Variants in ACOXL observed in about 807,000 individuals in gnomAD.
The protein encoded by ACOXL is acyl-CoA oxidase like.
A neutral mutation model predicts 71.9 loss-of-function variants in ACOXL; 70 were observed. That is an observed-to-expected ratio of 0.97 (90% CI 0.80 to 1.19). The LOEUF is 1.19. Ranked by LOEUF, ACOXL falls within the 50% of genes most tolerant of loss-of-function variation. ACOXL has a pLI of 0.00. For synonymous variants in ACOXL, 253 were observed against 281.6 expected, an observed-to-expected ratio of 0.90 and a Z score of 1.02; for missense variants, 703 against 736.3, an observed-to-expected ratio of 0.95 and a Z score of 0.52.
chr2:110,861,679 C>G (rs192581240), intron 10 of ACOXL, among the ~76,000 whole-genome samples: 136 of 152,344 alleles, frequency 8.9e-4, no homozygotes, highest in Non-Finnish European at 1.7e-3. Flanking sequence ...CAAAAGCTCT[C>G]TGTCTTTTGG....
intron 10 of ACOXL, among the ~76,000 whole-genome samples, chr2:110,873,206 G>C (rs1426666864): frequency 6.6e-6 from 1 of 152,152 alleles, no homozygotes; most frequent in Non-Finnish European, 1.5e-5. Flanking sequence ...CATTCTCCCA[G>C]AACCCTGGCT....
chr2:110,917,840 C>A (rs1158980365), intron 11 of ACOXL, among the ~76,000 whole-genome samples: 4 of 152,192 alleles, frequency 2.6e-5, no homozygotes, highest in African/African-American at 9.7e-5. Flanking sequence ...AGGAATCCAA[C>A]TTACAAGGGA....
intron 1 of ACOXL, among the ~76,000 whole-genome samples, chr2:110,746,831 T>C (rs1678287430): frequency 6.8e-6 from 1 of 147,602 alleles, no homozygotes; most frequent in Non-Finnish European, 1.5e-5. Context: ...CGCCCTTTAG[T>C]TGCCTTCACC....
intron 11 of ACOXL, among the ~76,000 whole-genome samples, chr2:110,911,468 A>G (rs551557140): frequency 6.6e-6 from 1 of 152,086 alleles, no homozygotes; most frequent in South Asian, 2.1e-4. Flanking sequence ...AAAAACCCTT[A>G]ACAAAATACT....
intron 1 of ACOXL, among the ~76,000 whole-genome samples, chr2:110,748,535 T>C (rs1404243353): frequency 6.6e-6 from 1 of 152,204 alleles, no homozygotes; most frequent in Non-Finnish European, 1.5e-5. Flanking sequence ...ACCACAGTAC[T>C]TAGAAAGCCC....
At position 110,914,178 on chromosome 2, in the gene ACOXL, GAA is replaced by G. The variant is rs35980544; in HGVS notation, c.905+5275_905+5276del. Among the ~76,000 whole-genome samples, 11 of 149,836 alleles carry G rather than the reference GAA, an allele frequency of 7.3e-5. 1 individual carries two copies. Among genetic ancestry groups the G allele is most frequent in the Admixed American group, 7.2e-4 (11 of 15,178 alleles). On this transcript the variant is annotated intron_variant, in intron 11 of 17. Transcript: ENST00000439055. ...GAAATATGTCTAATAAAGCTGTTGA[GAA>G]AGAGAGAGGAGGAAAAAAAAGAAAT...
chr2:110,902,913 C>A (rs2059296783), intron 10 of ACOXL, among the ~76,000 whole-genome samples: 1 of 152,126 alleles, frequency 6.6e-6, no homozygotes, highest in African/African-American at 2.4e-5. Context: ...TGCCTGTGGT[C>A]AGGTTATTAA....
intron 10 of ACOXL, among the ~76,000 whole-genome samples, chr2:110,852,738 T>C (rs181956194): frequency 1.3e-5 from 2 of 152,260 alleles, no homozygotes; most frequent in African/African-American, 2.4e-5. Flanking sequence ...TGAGGCAGCT[T>C]TTTTTTCTTT....
intron 17 of ACOXL, among the ~76,000 whole-genome samples, chr2:111,105,604 G>A (rs1226285666): frequency 6.6e-6 from 1 of 152,022 alleles, no homozygotes; most frequent in Non-Finnish European, 1.5e-5. Flanking sequence ...TTTAATTTTA[G>A]TGTCTGCATA....
Position 110,877,568 on chromosome 2 carries a change from G to A in ACOXL, c.789-31221G>A, listed in dbSNP as rs568066108. Among the ~76,000 whole-genome samples, 5 of 152,320 alleles carry A rather than the reference G, an allele frequency of 3.3e-5. No homozygotes were observed. The South Asian group carries it at 1.0e-3, about 32-fold the overall frequency. The stretch of plus-strand genomic sequence containing the variant: ...ACTTAACCCTTTGAACGTAGCCACT[G>A]GGTTGATGCAGCTCACAAACCCACA... On this transcript the variant is annotated intron_variant, in intron 10 of 17. Coordinates refer to ENST00000439055, the MANE Select transcript of ACOXL (RefSeq NM_001142807.4).
At chr2:110,818,408 AAC>A (rs1559302856) in intron 9 of ACOXL, among the ~76,000 whole-genome samples, 31 of 131,660 alleles carry the variant, frequency 2.4e-4, no homozygotes, top group African/African-American at 3.3e-4. Flanking sequence ...AAAAAAAAAA[AAC>A]ATATATATAT....
intron 1 of ACOXL, among the ~76,000 whole-genome samples, chr2:110,745,731 C>G (rs1470351272): frequency 1.3e-5 from 2 of 152,172 alleles, no homozygotes; most frequent in Non-Finnish European, 2.9e-5. Flanking sequence ...ATTACCCGTG[C>G]AAGGAACCAA....
intron 11 of ACOXL, among the ~76,000 whole-genome samples, chr2:110,931,425 A>C (rs1032476705): frequency 6.6e-6 from 1 of 152,160 alleles, no homozygotes; most frequent in Non-Finnish European, 1.5e-5. Flanking sequence ...CCCATTTCTG[A>C]GATTCTCTGA....
At chr2:111,091,531 A>G (rs890374553) in intron 16 of ACOXL, among the ~76,000 whole-genome samples, 5 of 152,214 alleles carry the variant, frequency 3.3e-5, no homozygotes, top group African/African-American at 9.6e-5. Context: ...CTAGAGACTC[A>G]TGATTTGGCT....
intron 10 of ACOXL, among the ~76,000 whole-genome samples, chr2:110,879,508 A>G (rs1326542323): frequency 2.6e-5 from 4 of 152,248 alleles, no homozygotes; most frequent in Non-Finnish European, 5.9e-5. Context: ...ACTGAAGAAT[A>G]TTCTTCAGGA....
intron 10 of ACOXL, among the ~76,000 whole-genome samples, chr2:110,849,449 A>C (rs1258099926): frequency 6.6e-6 from 1 of 152,194 alleles, no homozygotes; most frequent in Non-Finnish European, 1.5e-5. Context: ...ATAATTCAAA[A>C]AATTTTATGG....
chr2:111,069,555 C>G (rs138299301), intron 16 of ACOXL, among the ~76,000 whole-genome samples: 1 of 152,176 alleles, frequency 6.6e-6, no homozygotes, highest in Admixed American at 6.5e-5. Context: ...TCAAACACCA[C>G]TGGGGGTTGG....
intron 10 of ACOXL, among the ~76,000 whole-genome samples, chr2:110,865,840 T>C (rs983393162): frequency 3.9e-5 from 6 of 152,310 alleles, no homozygotes; most frequent in African/African-American, 1.4e-4. Flanking sequence ...AACTTGTTTT[T>C]TTTTTCCTAC....
intron 10 of ACOXL, among the ~76,000 whole-genome samples, chr2:110,848,979 C>G (rs1047900696): frequency 1.3e-5 from 2 of 152,242 alleles, no homozygotes; most frequent in Non-Finnish European, 2.9e-5. Flanking sequence ...CCACCCCTTG[C>G]TTTTGCTATT....
Sources: allele counts gnomAD v4.1 joint callset (sites outside exome capture counted in the v4.1 genomes callset), GRCh38; gene constraint gnomAD v4.1.1; transcripts MANE v1.5; gene names NCBI Gene and HGNC (gene_info 2026-07-23, HGNC 2026-07-21).